CLIP1: variants seen among roughly 807,000 people sequenced by gnomAD.
CLIP1 encodes CAP-Gly domain containing linker protein 1.
In CLIP1, 66 loss-of-function variants were observed where a neutral mutation model predicts 161.6. That is an observed-to-expected ratio of 0.41 (90% CI 0.33 to 0.50). The LOEUF (loss-of-function observed/expected upper bound fraction) is 0.50. CLIP1 is among the 20% of genes least tolerant of loss of function. The pLI is 0.27. For synonymous variants in CLIP1, 598 were observed against 626.2 expected (o/e 0.96, Z 0.67); for missense variants, 1,376 against 1,702.0 (o/e 0.81, Z 3.37).
chr12:122,276,399 C>T, intron 24 of CLIP1: 1 of 1,289,000 alleles, frequency 7.8e-7, no homozygotes, highest in Non-Finnish European at 1.0e-6. Flanking sequence ...CACACACACA[C>T]ACACACGTGT....
chr12:122,422,850 G>T (rs1413034555), upstream of CLIP1, among the ~76,000 whole-genome samples: 1 of 150,972 alleles, frequency 6.6e-6, no homozygotes, highest in Non-Finnish European at 1.5e-5. Context: ...GCCCCGGCGC[G>T]CCCGCCGCTC....
chr12:122,390,200 A>ATAT (rs1392933220), intron 1 of CLIP1, among the ~76,000 whole-genome samples: 1 of 127,724 alleles, frequency 7.8e-6, no homozygotes, highest in Non-Finnish European at 1.7e-5. Flanking sequence ...TATATATAAT[A>ATAT]TATATATACA....
rs1219027704 is a variant in CLIP1 at position 122,412,662 on chromosome 12, C to CA, written c.-107+9858dup. 1.2e-3 allele frequency among the ~76,000 whole-genome samples: 174 copies of CA among 148,938 alleles called. 1 individual carries two copies. Among genetic ancestry groups the CA allele is most frequent in the Middle Eastern group, 3.4e-3 (1 of 292 alleles). On this transcript the variant is annotated intron_variant, in intron 1 of 25. Coordinates refer to ENST00000620786, the MANE Select transcript of CLIP1 (RefSeq NM_001247997.2). ...AGAGCGAGACTCCGTCTCTAAAAAA[C>CA]AAAAAAAAACCAAAGTACATACTCT...
chr12:122,337,845 C>T (rs1293057001), intron 11 of CLIP1, among the ~76,000 whole-genome samples: 1 of 151,832 alleles, frequency 6.6e-6, no homozygotes, highest in Non-Finnish European at 1.5e-5. Context: ...GAAACCCCAT[C>T]TCTACTAAAA....
chr12:122,389,203 T>C (rs1955471351), intron 1 of CLIP1, among the ~76,000 whole-genome samples: 1 of 152,184 alleles, frequency 6.6e-6, no homozygotes, highest in Admixed American at 6.5e-5. Flanking sequence ...CAATAGCCCC[T>C]TGCACACTTG....
chr12:122,348,742 AATTTAAAT>A (rs1452709855), intron 9 of CLIP1, among the ~76,000 whole-genome samples: 3 of 152,166 alleles, frequency 2.0e-5, no homozygotes, highest in Non-Finnish European at 4.4e-5. Context: ...TACGTGCAGT[AATTTAAAT>A]ACTTTGTGGT....
rs113142794 is a variant in CLIP1, at chr12:122,382,695, A to G, written c.-106-2137T>C. Among the ~76,000 whole-genome samples, 797 of 151,384 alleles carry G rather than the reference A, an allele frequency of 5.3e-3. 11 individuals carry two copies. The highest frequency in any genetic ancestry group is 0.018 in the African/African-American group (716 of 40,834). On this transcript the variant is annotated intron_variant, in intron 1 of 25. Coordinates refer to ENST00000620786, the MANE Select transcript of CLIP1 (RefSeq NM_001247997.2). ...ACTCCACCCTAGGTGGTAGAGTGAG[A>G]CTATGTCTCAATAAATAAATAAATA...
At chr12:122,400,906 C>T (rs892181176) in intron 1 of CLIP1, 4 of 114,184 alleles carry the variant, frequency 3.5e-5, no homozygotes, top group African/African-American at 6.4e-5. Context: ...TTCCCAACTC[C>T]GGATCCTTTT....
chr12:122,325,844 G>A (rs150760511), intron 17 of CLIP1, among the ~76,000 whole-genome samples: 3 of 152,138 alleles, frequency 2.0e-5, no homozygotes, highest in Non-Finnish European at 2.9e-5. Flanking sequence ...TAGTAGAGAC[G>A]GTCTCACGAT....
At chr12:122,394,757 G>C (rs930220557) in intron 1 of CLIP1, among the ~76,000 whole-genome samples, 1 of 151,576 alleles carries the variant, frequency 6.6e-6, no homozygotes, top group Non-Finnish European at 1.5e-5. Flanking sequence ...GTGGTGGTGC[G>C]CGCCTGTAAT....
chr12:122,354,984 A>G, intron 6 of CLIP1, 131 bp downstream of exon 6: 3 of 780,494 alleles, frequency 3.8e-6, no homozygotes, highest in Admixed American at 2.5e-5. Flanking sequence ...AAACAAGCAC[A>G]GCAAAGAAAT....
At chr12:122,294,355 A>AC (rs1322893796) in intron 20 of CLIP1, among the ~76,000 whole-genome samples, 54 of 147,240 alleles carry the variant, frequency 3.7e-4, no homozygotes, top group East Asian at 8.3e-4. Flanking sequence ...AAAAAAAAAA[A>AC]CCCCAAACTG....
At chr12:122,360,862 G>T in intron 5 of CLIP1, 97 bp downstream of exon 5, 1 of 1,012,040 alleles carries the variant, frequency 9.9e-7, no homozygotes, top group Non-Finnish European at 1.4e-6. Flanking sequence ...TTCAGCACAA[G>T]GACAAGCAAA....
chr12:122,364,119 G>A lies in CLIP1; in HGVS notation c.658-12C>T. 1 of 1,613,768 alleles carries A rather than the reference G, an allele frequency of 6.2e-7. No homozygotes were observed. The highest frequency in any genetic ancestry group is 8.5e-7 in the Non-Finnish European group (1 of 1,179,888). On this transcript the variant is annotated splice_polypyrimidine_tract_variant and intron_variant, in intron 3 of 25. Transcript: ENST00000620786. ...TTAGTGCCACCAACCTGGAAGAAGA[G>A]AAGGTTAAAATAAAGAGATGAACAT...
intron 24 of CLIP1, chr12:122,275,895 G>A (rs1051598119): frequency 5.9e-5 from 9 of 151,488 alleles, no homozygotes; most frequent in African/African-American, 1.5e-4. Context: ...CCAACAAGGC[G>A]GTGTTCAGGT....
At chr12:122,375,881 T>C (rs1281471077) in intron 3 of CLIP1, among the ~76,000 whole-genome samples, 2 of 150,926 alleles carry the variant, frequency 1.3e-5, no homozygotes, top group Non-Finnish European at 2.9e-5. Context: ...GCAGCTTCCA[T>C]CTCCCAGGCT....
chr12:122,400,806 T>C (rs1593250762), intron 1 of CLIP1: 1 of 152,056 alleles, frequency 6.6e-6, no homozygotes, highest in South Asian at 2.1e-4. Context: ...TCCATAAAAT[T>C]ATGCAAAATG....
intron 8 of CLIP1, among the ~76,000 whole-genome samples, chr12:122,352,036 A>C (rs1013294807): frequency 1.3e-5 from 2 of 150,874 alleles, no homozygotes; most frequent in Non-Finnish European, 2.9e-5. Context: ...AGCTGAGATA[A>C]AGCAAAAAAC....
rs1951060365 is a variant in CLIP1, at chr12:122,311,452, T to A, written c.3474-1570A>T. 6.6e-6 allele frequency among the ~76,000 whole-genome samples: 1 copy of A among 150,910 alleles called. No homozygotes were observed. Among genetic ancestry groups the A allele is most frequent in the Non-Finnish European group, 1.5e-5 (1 of 67,796 alleles). On this transcript the variant is annotated intron_variant, in intron 19 of 25. Transcript: ENST00000620786. This position sits in a 1 kb window ranked among gnomAD's most constrained non-coding sequence, Gnocchi z 4.3. ...TTATTTTTTTTTTTTTGAGACAGAG[T>A]CTCGCTCTGTCGCCCAGGCTGGAGT...
Sources: allele counts gnomAD v4.1 joint callset (sites outside exome capture counted in the v4.1 genomes callset), GRCh38; gene constraint gnomAD v4.1.1; non-coding constraint Gnocchi (gnomAD v3.1); transcripts MANE v1.5; gene names NCBI Gene and HGNC (gene_info 2026-07-23, HGNC 2026-07-21).